MTSS1: variants seen among roughly 807,000 people sequenced by gnomAD.
MTSS1 encodes the protein protein MTSS 1.
Under a neutral mutation model 79.0 loss-of-function variants are expected in MTSS1, and 18 were observed. The ratio of observed to expected loss-of-function variants is 0.23; its 90% CI spans 0.16 to 0.34. The LOEUF (loss-of-function observed/expected upper bound fraction) is 0.34. MTSS1 is among the 10% of genes least tolerant of loss of function. MTSS1 has a pLI of 1.00. For synonymous variants in MTSS1, 341 were observed against 368.6 expected (o/e 0.93, Z 0.86); for missense variants, 815 against 986.2 (o/e 0.83, Z 2.33).
At chr8:124,589,945 C>T (rs148018169) in intron 4 of MTSS1, among the ~76,000 whole-genome samples, 2,693 of 152,262 alleles carry the variant, frequency 0.018, 86 homozygotes, top group African/African-American at 0.062. Flanking sequence ...CAACCACCAC[C>T]TCCCAGGTTC....
intron 10 of MTSS1, 37 bp from the exon 11 acceptor site, chr8:124,557,912 A>C (rs1231488849): frequency 1.3e-6 from 2 of 1,493,474 alleles, no homozygotes; most frequent in Non-Finnish European, 1.8e-6. Flanking sequence ...GGAAGGAAAA[A>C]AAATTAATAT....
chr8:124,561,137 A>G (rs992937668), intron 10 of MTSS1, among the ~76,000 whole-genome samples: 4 of 152,218 alleles, frequency 2.6e-5, no homozygotes, highest in Admixed American at 1.3e-4. Context: ...GAGCTCATTA[A>G]AACTACCCTA....
chr8:124,589,676 T>A lies in MTSS1; in HGVS notation c.329A>T (p.Glu110Val). The change falls in exon 5 of 14, where the codon GAA (glutamate) becomes GTA (valine). Residue 110 changes from glutamate to valine, a missense_variant. Around this residue, in one of 2 missense-constraint regions of MTSS1, gnomAD observed 225 missense variants for 365.4 expected, o/e 0.62. Coordinates refer to ENST00000518547, the MANE Select transcript of MTSS1 (RefSeq NM_014751.6). ...LIDCLINPLQ[E>V]QMEEWKKVAN... is the part of the protein sequence containing the mutation. ...CACTTTCTTCCATTCTTCCATCTGT[T>A]CTTGAAGTGGGTTTATCAGACAATC... The A allele has an allele frequency of 6.2e-7, 1 of 1,613,472 alleles. No homozygotes were observed. The highest frequency in any genetic ancestry group is 8.5e-7 in the Non-Finnish European group (1 of 1,179,770).
intron 3 of MTSS1, among the ~76,000 whole-genome samples, chr8:124,684,992 C>T (rs1166047891): frequency 6.6e-6 from 1 of 152,128 alleles, no homozygotes; most frequent in African/African-American, 2.4e-5. Flanking sequence ...AGGGTGGGGA[C>T]AGGGAGTAAC....
chr8:124,669,779 AG>A (rs1340427298), intron 3 of MTSS1, among the ~76,000 whole-genome samples: 4 of 152,196 alleles, frequency 2.6e-5, no homozygotes, highest in Non-Finnish European at 5.9e-5. Context: ...TTTTGAGTTT[AG>A]TACTGGTAAA....
chr8:124,595,666 T>C (rs998725811), intron 3 of MTSS1, among the ~76,000 whole-genome samples: 3 of 152,074 alleles, frequency 2.0e-5, no homozygotes, highest in Non-Finnish European at 4.4e-5. Flanking sequence ...CTTAACCACA[T>C]CACCACACAT....
chr8:124,568,291 C>T, intron 7 of MTSS1, 88 bp downstream of exon 7: 4 of 1,451,138 alleles, frequency 2.8e-6, no homozygotes, highest in Non-Finnish European at 3.7e-6. Context: ...AGTAGATTCT[C>T]CATGACTCAA....
chr8:124,560,181 C>T (rs1424595097), intron 10 of MTSS1, among the ~76,000 whole-genome samples: 1 of 148,912 alleles, frequency 6.7e-6, no homozygotes, highest in Non-Finnish European at 1.5e-5. Flanking sequence ...TGCCAATTCC[C>T]AGTCGAGAAA....
In MTSS1 at chr8:124,619,682, T is replaced by A. The variant is rs1192557956; in HGVS notation, c.209-28447A>T. ...GTTAATCTTTTCAGACTTTTTTTTT[T>A]AAAGGTTTTCTGCAATCACTAGCTG... On this transcript the variant is annotated intron_variant, in intron 3 of 13. Transcript: ENST00000518547. Among the ~76,000 whole-genome samples, 7 of 149,284 alleles carry A rather than the reference T, an allele frequency of 4.7e-5. No homozygotes were observed. In the East Asian group the frequency reaches 1.4e-3, roughly 29 times the overall value.
rs1052830242 is a variant in MTSS1, at chr8:124,697,302, G to A, written c.208+2224C>T. 2.6e-5 allele frequency among the ~76,000 whole-genome samples: 4 copies of A among 151,452 alleles called. No homozygotes were observed. The East Asian group carries it at 5.8e-4, about 22-fold the overall frequency. On this transcript the variant is annotated intron_variant, in intron 3 of 13. Transcript: ENST00000518547. ...GGGCCAGGCACGGTGGCTCACGCCT[G>A]TAATCCCAGCACTATGGGAGGCTGA...
chr8:124,636,161 CCT>C (rs1433873175), intron 3 of MTSS1, among the ~76,000 whole-genome samples: 1 of 152,118 alleles, frequency 6.6e-6, no homozygotes, highest in Non-Finnish European at 1.5e-5. Flanking sequence ...ATGGAGTCTC[CCT>C]CTGTCGCCCA....
rs1370849740 is a variant in MTSS1 at position 124,694,283 on chromosome 8, G to C, written c.208+5243C>G. ...ATCCCGGCCACTGTGCCATCTGCTT[G>C]TGTCAGCAAGGGCCTTTGAAGAGCA... On this transcript the variant is annotated intron_variant, in intron 3 of 13. Coordinates refer to ENST00000518547, the MANE Select transcript of MTSS1 (RefSeq NM_014751.6). 2.0e-5 allele frequency among the ~76,000 whole-genome samples: 3 copies of C among 152,134 alleles called. No homozygotes were observed. The East Asian group carries it at 5.8e-4, about 29-fold the overall frequency.
At chr8:124,595,285 G>A (rs946773413) in intron 3 of MTSS1, among the ~76,000 whole-genome samples, 1 of 152,166 alleles carries the variant, frequency 6.6e-6, no homozygotes, top group African/African-American at 2.4e-5. Context: ...AAATGACCAC[G>A]AGCTTAGTGG....
At chr8:124,573,906 A>T (rs1828406941) in intron 6 of MTSS1, among the ~76,000 whole-genome samples, 1 of 152,166 alleles carries the variant, frequency 6.6e-6, no homozygotes, top group African/African-American at 2.4e-5. Context: ...AGGGGATATC[A>T]TGATGATTCT....
chr8:124,632,214 G>C (rs996371006), intron 3 of MTSS1, among the ~76,000 whole-genome samples: 4 of 147,172 alleles, frequency 2.7e-5, no homozygotes, highest in Non-Finnish European at 4.4e-5. Flanking sequence ...AGGAGTTCAA[G>C]GATTCAGTGA....
intron 3 of MTSS1, among the ~76,000 whole-genome samples, chr8:124,636,108 T>C (rs766228282): frequency 6.6e-6 from 1 of 152,146 alleles, no homozygotes; most frequent in African/African-American, 2.4e-5. Context: ...TATGGGTTCC[T>C]GTGCTGGAAC....
chr8:124,662,881 A>G (rs1822332238), intron 3 of MTSS1, among the ~76,000 whole-genome samples: 1 of 152,170 alleles, frequency 6.6e-6, no homozygotes, highest in Non-Finnish European at 1.5e-5. Context: ...GTACCCTTGC[A>G]GTCAGATAAA....
intron 1 of MTSS1, among the ~76,000 whole-genome samples, chr8:124,718,833 A>G (rs758436709): frequency 6.6e-6 from 1 of 152,126 alleles, no homozygotes; most frequent in African/African-American, 2.4e-5. Context: ...CCTATTGCAC[A>G]CTTCGATCTC....
chr8:124,723,695 C>A (rs902858110), intron 1 of MTSS1, among the ~76,000 whole-genome samples: 3 of 152,196 alleles, frequency 2.0e-5, no homozygotes, highest in Admixed American at 2.0e-4. Context: ...CCTTCTTCTC[C>A]CATGGGCCCA....
Sources: allele counts gnomAD v4.1 joint callset (sites outside exome capture counted in the v4.1 genomes callset), GRCh38; gene constraint gnomAD v4.1.1; regional missense constraint gnomAD v4.1.1; transcripts MANE v1.5; gene names NCBI Gene and HGNC (gene_info 2026-07-23, HGNC 2026-07-21).